ZNF516: variants seen among roughly 807,000 people sequenced by gnomAD.
The protein encoded by ZNF516 is zinc finger protein 516.
In ZNF516, 19 loss-of-function variants were observed where a neutral mutation model predicts 79.7. The observed-to-expected ratio is 0.24, with a 90% CI of 0.17 to 0.35. ZNF516 has a LOEUF of 0.35. ZNF516 is among the 10% of genes least tolerant of loss of function. The pLI, the probability that ZNF516 is intolerant of heterozygous loss-of-function variation, is 1.00. For synonymous variants in ZNF516, 877 were observed against 739.5 expected, an observed-to-expected ratio of 1.19 and a Z score of -3.02; for missense variants, 1,678 against 1,679.5, an observed-to-expected ratio of 1.00 and a Z score of 0.02.
intron 3 of ZNF516, among the ~76,000 whole-genome samples, chr18:76,390,380 G>A (rs1002523916): frequency 6.6e-6 from 1 of 152,208 alleles, no homozygotes; most frequent in Admixed American, 6.5e-5. Context: ...GCACACCTGT[G>A]TCAGGGTTTA....
chr18:76,473,699 G>T (rs985836374), intron 1 of ZNF516, among the ~76,000 whole-genome samples: 1 of 151,894 alleles, frequency 6.6e-6, no homozygotes, highest in Admixed American at 6.6e-5. Flanking sequence ...TACTTGGGAA[G>T]CTGAGGCAAG....
intron 1 of ZNF516, among the ~76,000 whole-genome samples, chr18:76,475,847 T>C (rs1478995738): frequency 6.6e-6 from 1 of 152,226 alleles, no homozygotes; most frequent in Non-Finnish European, 1.5e-5. Flanking sequence ...CATTGTACCA[T>C]TTTAAATTCT....
chr18:76,470,772 T>C (rs2145725452), intron 1 of ZNF516, among the ~76,000 whole-genome samples: 1 of 152,264 alleles, frequency 6.6e-6, no homozygotes, highest in East Asian at 1.9e-4. Context: ...CCCAGCACTT[T>C]GGGAGGTCGA....
At chr18:76,456,254 G>A (rs1912717355) in intron 2 of ZNF516, among the ~76,000 whole-genome samples, 1 of 152,208 alleles carries the variant, frequency 6.6e-6, no homozygotes, top group African/African-American at 2.4e-5. Flanking sequence ...TAACTCTGGG[G>A]CGATGAGCAG....
chr18:76,478,999 T>C (rs1365778291), intron 1 of ZNF516, among the ~76,000 whole-genome samples: 1 of 151,504 alleles, frequency 6.6e-6, no homozygotes, highest in African/African-American at 2.4e-5. Flanking sequence ...AAGGTTGCAG[T>C]GAGCCGAGAT....
At position 76,442,460 on chromosome 18, in the gene ZNF516, G is replaced by T. The variant is rs1489213685; in HGVS notation, c.595C>A (p.Pro199Thr). Residue 199 changes from proline (P) to threonine (T), a missense_variant, in exon 3 of 7, where the codon CCG (proline) becomes ACG (threonine). Coordinates refer to ENST00000443185, the MANE Select transcript of ZNF516 (RefSeq NM_014643.4). Reference protein sequence around the residue: ...LELHVHQAHKPFKCRLCSYAT... With the variant: ...LELHVHQAHKTFKCRLCSYAT... ...TAGCTGCACAGCCTGCACTTGAACG[G>T]CTTGTGCGCCTGGTGCACGTGCAGC... The T allele has an allele frequency of 6.2e-7, 1 of 1,605,522 alleles. No homozygotes were observed. Among genetic ancestry groups the T allele is most frequent in the South Asian group, 1.1e-5 (1 of 91,086 alleles).
chr18:76,398,629 A>G (rs2075177270), intron 3 of ZNF516, among the ~76,000 whole-genome samples: 1 of 150,310 alleles, frequency 6.7e-6, no homozygotes, highest in Non-Finnish European at 1.5e-5. Context: ...GGCCTTTCTG[A>G]AGGAATGGGG....
intron 1 of ZNF516, among the ~76,000 whole-genome samples, chr18:76,470,085 C>T (rs560709974): frequency 7.2e-4 from 110 of 152,238 alleles, no homozygotes; most frequent in African/African-American, 2.6e-3. Flanking sequence ...CACCAGAATC[C>T]ATAAACTGTT....
chr18:76,384,613 C>G (rs936588112), intron 3 of ZNF516, among the ~76,000 whole-genome samples: 7 of 149,420 alleles, frequency 4.7e-5, no homozygotes, highest in Admixed American at 1.3e-4. Context: ...CCCCACCCCC[C>G]CTACAGTTGG....
intron 3 of ZNF516, among the ~76,000 whole-genome samples, chr18:76,433,903 C>T (rs921426837): frequency 6.6e-6 from 1 of 152,204 alleles, no homozygotes; most frequent in Non-Finnish European, 1.5e-5. Context: ...ACGTCCCCAG[C>T]TCCACAGGGG....
intron 6 of ZNF516, among the ~76,000 whole-genome samples, chr18:76,365,314 C>T (rs1283713650): frequency 6.6e-6 from 1 of 152,222 alleles, no homozygotes; most frequent in Non-Finnish European, 1.5e-5. Flanking sequence ...TTTCAGCAGA[C>T]ATTCTGGTCT....
chr18:76,490,744 T>C (rs1819547534), intron 1 of ZNF516: 4 of 984,802 alleles, frequency 4.1e-6, no homozygotes, highest in Admixed American at 6.1e-5. Flanking sequence ...GCTGTATGTG[T>C]AAGTAGGATC....
At chr18:76,367,666 C>T (rs1199476765) in intron 6 of ZNF516, among the ~76,000 whole-genome samples, 5 of 152,190 alleles carry the variant, frequency 3.3e-5, no homozygotes, top group Non-Finnish European at 4.4e-5. Flanking sequence ...AATGACAGGG[C>T]CCTTCCCATG....
intron 1 of ZNF516, among the ~76,000 whole-genome samples, chr18:76,473,917 GCTTT>G (rs1914027834): frequency 9.3e-6 from 1 of 107,658 alleles, no homozygotes; most frequent in Non-Finnish European, 2.0e-5. Context: ...GGGGGGGGGG[GCTTT>G]CTTTTTGAGA....
At chr18:76,399,300 A>C (rs1173201090) in intron 3 of ZNF516, among the ~76,000 whole-genome samples, 1 of 152,232 alleles carries the variant, frequency 6.6e-6, no homozygotes, top group Non-Finnish European at 1.5e-5. Flanking sequence ...ATAGCAATGC[A>C]TCCTTTTGAT....
chr18:76,490,738 T>C (rs998542925), intron 1 of ZNF516: 1 of 983,448 alleles, frequency 1.0e-6, no homozygotes, highest in Non-Finnish European at 1.2e-6. Flanking sequence ...CTTTCTGCTG[T>C]ATGTGTAAGT....
intron 3 of ZNF516, among the ~76,000 whole-genome samples, chr18:76,417,902 T>C (rs902865070): frequency 6.6e-6 from 1 of 152,252 alleles, no homozygotes; most frequent in African/African-American, 2.4e-5. Flanking sequence ...TTCCACAATT[T>C]TGCTAGTTAT....
chr18:76,448,754 G>A (rs1274914340), intron 2 of ZNF516, among the ~76,000 whole-genome samples: 1 of 152,096 alleles, frequency 6.6e-6, no homozygotes, highest in Non-Finnish European at 1.5e-5. Flanking sequence ...CCTACCAAGT[G>A]CAAGGCCTCG....
At chr18:76,447,895 G>C (rs560971031) in intron 2 of ZNF516, among the ~76,000 whole-genome samples, 1 of 152,100 alleles carries the variant, frequency 6.6e-6, no homozygotes, top group Admixed American at 6.5e-5. Flanking sequence ...GTGTGTGTGA[G>C]TGTGTGTGTA....
Sources: gnomAD v4.1 joint callset for allele counts (sites outside exome capture counted in the v4.1 genomes callset) on GRCh38, gnomAD v4.1.1 for gene constraint, MANE v1.5 for transcripts, NCBI Gene and HGNC (gene_info 2026-07-23, HGNC 2026-07-21) for gene names.